Variants in ZNF562 observed in about 807,000 individuals in gnomAD.
ZNF562 encodes the protein zinc finger protein 562.
ZNF562 carries 13 observed loss-of-function variants against 17.5 expected under a neutral mutation model. The observed-to-expected ratio is 0.74, with a 90% CI of 0.48 to 1.18. The LOEUF is 1.18. Ranked by LOEUF, ZNF562 falls within the 50% of genes most tolerant of loss-of-function variation. The probability of loss-of-function intolerance (pLI) is 0.00; values close to 1 mark genes in which losing one functional copy is unlikely to be tolerated. For missense variants in ZNF562, 481 were observed against 498.5 expected (o/e 0.96, Z 0.33); for synonymous variants, 163 against 165.4 (o/e 0.99, Z 0.11).
intron 5 of ZNF562, 23 bp downstream of exon 5, chr19:9,656,524 T>A: frequency 6.2e-7 from 1 of 1,609,836 alleles, no homozygotes; most frequent in Non-Finnish European, 8.5e-7. Context: ...AAGAAAAAAA[T>A]AAGTATCCCT....
At chr19:9,670,993 A>G (rs1328582323) in intron 1 of ZNF562, among the ~76,000 whole-genome samples, 1 of 146,638 alleles carries the variant, frequency 6.8e-6, no homozygotes, top group Non-Finnish European at 1.5e-5. Flanking sequence ...GTGAGACTCC[A>G]TCTCCCAAAA....
In ZNF562 at chr19:9,645,958, C is replaced by CAAAATG; in HGVS notation, c.*6990_*6991insCATTTT. The CAAAATG allele has an allele frequency of 6.7e-6, 1 of 149,928 alleles. No homozygotes were observed. Among genetic ancestry groups the CAAAATG allele is most frequent in the South Asian group, 2.1e-4 (1 of 4,768 alleles). 9.3% of individuals were successfully genotyped at this position (149,928 alleles called of 1,614,324 possible). The stretch of plus-strand genomic sequence containing the variant: ...GTACAAAGAGGGGAACACAATGAAA[C>CAAAATG]AAACAAAAAAAATTAGATGCTAGAA... On this transcript the variant is annotated 3_prime_UTR_variant, in exon 6 of 6. Transcript: ENST00000453372.
intron 5 of ZNF562, 67 bp downstream of exon 5, chr19:9,656,480 G>T: frequency 1.3e-6 from 2 of 1,562,400 alleles, no homozygotes; most frequent in Non-Finnish European, 1.8e-6. Flanking sequence ...CTGCACTTCA[G>T]CCTGGCAGAG....
chr19:9,667,395 C>G (rs1025685119), intron 1 of ZNF562, among the ~76,000 whole-genome samples: 1 of 152,174 alleles, frequency 6.6e-6, no homozygotes, highest in Non-Finnish European at 1.5e-5. Flanking sequence ...ATATGACACA[C>G]CCACGTCCAA....
chr19:9,646,749 C>T lies in ZNF562; in HGVS notation c.*6200G>A, dbSNP rs1255864115. 6.8e-6 allele frequency: 1 copy of T among 146,476 alleles called. No homozygotes were observed. The highest frequency in any genetic ancestry group is 1.5e-5 in the Non-Finnish European group (1 of 67,228). The allele number at this position is 146,476 out of a possible 1,614,324, so 9.1% of individuals were successfully genotyped here. On this transcript the variant is annotated 3_prime_UTR_variant, in exon 6 of 6. Transcript: ENST00000453372. ...TGCCTAGAAGAATATTCTCAAAATA[C>T]TTATGCAAGCCTTAGTTGTCTTTTT...
chr19:9,668,220 A>G (rs1325816935), intron 1 of ZNF562, among the ~76,000 whole-genome samples: 1 of 151,996 alleles, frequency 6.6e-6, no homozygotes, highest in Non-Finnish European at 1.5e-5. Flanking sequence ...AATTAAAAAA[A>G]AGAAATTAGC....
intron 1 of ZNF562, 55 bp from the exon 2 acceptor site, chr19:9,660,929 T>C (rs2043711526): frequency 2.0e-6 from 1 of 504,722 alleles, no homozygotes; most frequent in Non-Finnish European, 3.5e-6. Context: ...TTGAACATTA[T>C]GCATGAGCTT....
At chr19:9,671,501 G>A (rs190174629) in intron 1 of ZNF562, among the ~76,000 whole-genome samples, 1 of 152,296 alleles carries the variant, frequency 6.6e-6, no homozygotes, top group African/African-American at 2.4e-5. Flanking sequence ...ACCCAGCATG[G>A]AGGTTTCTCA....
rs1406367493 is a variant in ZNF562 at position 9,646,782 on chromosome 19, T to C, written c.*6167A>G. The C allele has an allele frequency of 6.6e-6, 1 of 151,700 alleles. No homozygotes were observed. Among genetic ancestry groups the C allele is most frequent in the Non-Finnish European group, 1.5e-5 (1 of 67,898 alleles). 9.4% of individuals were successfully genotyped at this position (151,700 alleles called of 1,614,324 possible). A position where few individuals can be genotyped will look rare whatever the true frequency, so the allele number is the denominator to read the frequency against. On this transcript the variant is annotated 3_prime_UTR_variant, in exon 6 of 6. Coordinates refer to ENST00000453372, the MANE Select transcript of ZNF562 (RefSeq NM_001130031.2). ...AGCCTTAGTTGTCTTTTTTTTTTTTTTTTTATGAGATGGAGTTTTGCTCTT... is the reference window on the plus strand; with the variant it reads ...AGCCTTAGTTGTCTTTTTTTTTTTTCTTTTATGAGATGGAGTTTTGCTCTT...
Position 9,653,188 on chromosome 19 carries a change from C to A in ZNF562, c.1042G>T (p.Glu348Ter). The A allele has an allele frequency of 6.2e-7, 1 of 1,614,040 alleles. No individual in the cohort carries two copies. Among genetic ancestry groups the A allele is most frequent in the Non-Finnish European group, 8.5e-7 (1 of 1,179,982 alleles). ...HTGIKPYECK[E>*]CGQAFTQYTG... Reference sequence around the variant, plus strand: ...TACTGAGTGAAGGCTTGGCCACATTCCTTACATTCATAGGGTTTTATTCCA... The same window carrying A: ...TACTGAGTGAAGGCTTGGCCACATTACTTACATTCATAGGGTTTTATTCCA... The change falls in exon 6 of 6, where the codon GAA (glutamate) becomes TAA (stop). Residue 348 changes from glutamate to a stop codon, truncating the protein, a stop_gained. Coordinates refer to ENST00000453372, the MANE Select transcript of ZNF562 (RefSeq NM_001130031.2). LOFTEE classifies it low-confidence loss of function (END_TRUNC).
At chr19:9,659,213 G>T (rs1388858259) in intron 3 of ZNF562, among the ~76,000 whole-genome samples, 166 bp downstream of exon 3, 1 of 152,202 alleles carries the variant, frequency 6.6e-6, no homozygotes, top group Non-Finnish European at 1.5e-5. Flanking sequence ...AACACTTTAT[G>T]TATAGGAGAC....
chr19:9,660,617 A>C, intron 2 of ZNF562, 103 bp downstream of exon 2: 1 of 1,247,730 alleles, frequency 8.0e-7, no homozygotes, highest in Non-Finnish European at 1.1e-6. Context: ...AAAGAAAAAA[A>C]AAAAAAGCAG....
intron 4 of ZNF562, among the ~76,000 whole-genome samples, 164 bp from the exon 5 acceptor site, chr19:9,656,817 G>A (rs549183771): frequency 6.6e-6 from 1 of 151,236 alleles, no homozygotes; most frequent in Non-Finnish European, 1.5e-5. Flanking sequence ...GAGGTCAGGA[G>A]ATCAAGACCA....
chr19:9,672,283 A>T (rs1331000904), intron 1 of ZNF562, among the ~76,000 whole-genome samples: 1 of 152,210 alleles, frequency 6.6e-6, no homozygotes, highest in African/African-American at 2.4e-5. Context: ...ACATTAGATG[A>T]CATTATTATT....
In ZNF562 at chr19:9,656,671, A is replaced by C; in HGVS notation, c.242-18T>G. ...AAAGAAATCTAAGGGTTTAGAGAAG[A>C]AATGTGTTAGTTTAAAATTAGTCAT... On this transcript the variant is annotated intron_variant, in intron 4 of 5. Coordinates refer to ENST00000453372, the MANE Select transcript of ZNF562 (RefSeq NM_001130031.2). 1 of 1,607,838 alleles carries C rather than the reference A, an allele frequency of 6.2e-7. No homozygotes were observed. Among genetic ancestry groups the C allele is most frequent in the Non-Finnish European group, 8.5e-7 (1 of 1,175,102 alleles).
Position 9,660,866 on chromosome 19 carries a change from T to C in ZNF562, c.-122A>G. 1.1e-6 allele frequency: 1 copy of C among 922,154 alleles called. No individual in the cohort carries two copies. Among genetic ancestry groups the C allele is most frequent in the Non-Finnish European group, 1.7e-6 (1 of 600,382 alleles). 57.1% of individuals were successfully genotyped at this position (922,154 alleles called of 1,614,324 possible). ...CTCCATTCCCCTTTGTACAGGGTTA[T>C]CTGAGGCCCTGTTCATACCAATCAC... On this transcript the variant is annotated 5_prime_UTR_variant, in exon 2 of 6. Transcript: ENST00000453372.
chr19:9,669,324 C>A (rs1480369097), intron 1 of ZNF562, among the ~76,000 whole-genome samples: 1 of 151,954 alleles, frequency 6.6e-6, no homozygotes, highest in African/African-American at 2.4e-5. Context: ...AAAAGACATA[C>A]AAATGGCCAA....
chr19:9,666,776 G>A lies in ZNF562; in HGVS notation c.-130-5902C>T, dbSNP rs539624144. 2.0e-5 allele frequency among the ~76,000 whole-genome samples: 3 copies of A among 152,112 alleles called. No individual in the cohort carries two copies. The East Asian group carries it at 5.8e-4, about 29-fold the overall frequency. On this transcript the variant is annotated intron_variant, in intron 1 of 5. Coordinates refer to ENST00000453372, the MANE Select transcript of ZNF562 (RefSeq NM_001130031.2). ...ATATCCCAACAAACTGAAAAGCCTG[G>A]AAGAAATAGACAAATTCTTGGGTGC...
intron 4 of ZNF562, among the ~76,000 whole-genome samples, chr19:9,656,859 G>A (rs1354866735): frequency 7.6e-6 from 1 of 131,322 alleles, no homozygotes. Flanking sequence ...CCTCTCTCTA[G>A]TAAAATACAA....
Sources: allele counts gnomAD v4.1 joint callset (sites outside exome capture counted in the v4.1 genomes callset), GRCh38; gene constraint gnomAD v4.1.1; transcripts MANE v1.5; gene names NCBI Gene and HGNC (gene_info 2026-07-23, HGNC 2026-07-21).